The following CDH6 variants were observed in gnomAD, a reference collection of about 807,000 sequenced individuals.
CDH6 encodes the protein cadherin-6.
CDH6 carries 31 observed loss-of-function variants against 78.0 expected under a neutral mutation model. The ratio of observed to expected loss-of-function variants is 0.40; its 90% CI spans 0.30 to 0.54. The LOEUF is 0.54. Ranked by LOEUF, CDH6 falls within the 20% of genes least tolerant of loss-of-function variation. The pLI is 0.56. For synonymous variants in CDH6, 376 were observed against 368.8 expected (o/e 1.02, Z -0.23); for missense variants, 724 against 975.9 (o/e 0.74, Z 3.44).
chr5:31,259,535 C>T (rs186899960), intron 1 of CDH6, among the ~76,000 whole-genome samples: 1 of 152,246 alleles, frequency 6.6e-6, no homozygotes, highest in East Asian at 1.9e-4. Flanking sequence ...TCTTCCATGG[C>T]CATGTGTCTA....
intron 1 of CDH6, among the ~76,000 whole-genome samples, chr5:31,197,730 G>A (rs905638130): frequency 1.3e-5 from 2 of 152,016 alleles, no homozygotes; most frequent in African/African-American, 4.8e-5. Context: ...GCAGCATATG[G>A]GCTGATTTTC....
At chr5:31,283,685 T>C (rs1292038298) in intron 2 of CDH6, among the ~76,000 whole-genome samples, 1 of 150,212 alleles carries the variant, frequency 6.7e-6, no homozygotes, top group Non-Finnish European at 1.5e-5. Context: ...ATTAAATCAT[T>C]TCTACTATAT....
Position 31,283,177 on chromosome 5 carries a change from C to T in CDH6, c.229-10785C>T, listed in dbSNP as rs182427187. Reference sequence around the variant, plus strand: ...ACCTAGTAGGTAGGGACAAAGGACTCTGCTGAACATCCTATAATGTATGGG... The same window carrying T: ...ACCTAGTAGGTAGGGACAAAGGACTTTGCTGAACATCCTATAATGTATGGG... On this transcript the variant is annotated intron_variant, in intron 2 of 11. Transcript: ENST00000265071. Among the ~76,000 whole-genome samples, 529 of 152,310 alleles carry T rather than the reference C, an allele frequency of 3.5e-3. 3 individuals are homozygous for T. Among genetic ancestry groups the T allele is most frequent in the Non-Finnish European group, 4.8e-3 (325 of 68,028 alleles).
Position 31,328,375 on chromosome 5 carries a change from T to G in CDH6, c.*5067T>G, listed in dbSNP as rs1423679198. ...GGCACCTTCTCTAAGCTTTTAGTTTTCTATGATCTATTAGTTTAGTGTTTA... is the reference window on the plus strand; with the variant it reads ...GGCACCTTCTCTAAGCTTTTAGTTTGCTATGATCTATTAGTTTAGTGTTTA... On this transcript the variant is annotated 3_prime_UTR_variant, in exon 12 of 12. Coordinates refer to ENST00000265071, the MANE Select transcript of CDH6 (RefSeq NM_004932.4). 2.0e-5 allele frequency: 4 copies of G among 200,292 alleles called. No individual in the cohort carries two copies. The East Asian group carries it at 3.1e-4, about 15-fold the overall frequency. The allele number at this position is 200,292 out of a possible 1,614,324, so 12.4% of individuals were successfully genotyped here.
chr5:31,254,241 A>G (rs1246809004), intron 1 of CDH6, among the ~76,000 whole-genome samples: 3 of 152,224 alleles, frequency 2.0e-5, no homozygotes, highest in Admixed American at 6.5e-5. Flanking sequence ...TTAATGCCCT[A>G]AAGTGCAAAA....
intron 1 of CDH6, among the ~76,000 whole-genome samples, chr5:31,266,197 C>G (rs1032275958): frequency 6.6e-6 from 1 of 151,850 alleles, no homozygotes; most frequent in African/African-American, 2.4e-5. Context: ...ATTGCATAAA[C>G]TAGTAAACCA....
At chr5:31,315,466 G>A (rs1474852274) in intron 8 of CDH6, among the ~76,000 whole-genome samples, 2 of 152,234 alleles carry the variant, frequency 1.3e-5, no homozygotes, top group African/African-American at 4.8e-5. Context: ...CTAGAAATCT[G>A]TCTTCCATAC....
chr5:31,216,194 A>G (rs1740858727), intron 1 of CDH6, among the ~76,000 whole-genome samples: 1 of 151,994 alleles, frequency 6.6e-6, no homozygotes, highest in South Asian at 2.1e-4. Flanking sequence ...TTCAGAGTTT[A>G]AGAAGTTTGC....
At chr5:31,238,805 G>A (rs1741521709) in intron 1 of CDH6, among the ~76,000 whole-genome samples, 1 of 152,176 alleles carries the variant, frequency 6.6e-6, no homozygotes, top group African/African-American at 2.4e-5. Context: ...GCTCTGGAAA[G>A]TTTTGCCTCT....
At chr5:31,319,432 T>C (rs1042762449) in intron 11 of CDH6, among the ~76,000 whole-genome samples, 4 of 152,228 alleles carry the variant, frequency 2.6e-5, no homozygotes, top group Non-Finnish European at 5.9e-5. Flanking sequence ...CAAGATGCTT[T>C]ACAAAGGTTT....
intron 1 of CDH6, among the ~76,000 whole-genome samples, chr5:31,241,157 T>G (rs1009852768): frequency 3.3e-5 from 5 of 152,222 alleles, no homozygotes; most frequent in African/African-American, 1.2e-4. Context: ...CTTATCTTAC[T>G]GGTCATGGCG....
intron 7 of CDH6, among the ~76,000 whole-genome samples, chr5:31,311,545 C>T (rs1175228431): frequency 1.3e-5 from 2 of 152,220 alleles, no homozygotes; most frequent in Non-Finnish European, 2.9e-5. Context: ...CCCCCACTTT[C>T]CTGGTACCAA....
intron 1 of CDH6, among the ~76,000 whole-genome samples, chr5:31,222,246 ACAAT>A (rs1338175052): frequency 6.6e-6 from 1 of 152,206 alleles, no homozygotes; most frequent in African/African-American, 2.4e-5. Context: ...CAAAACTCTG[ACAAT>A]CAAATGAACA....
At chr5:31,229,664 AT>A (rs538357884) in intron 1 of CDH6, among the ~76,000 whole-genome samples, 2 of 152,314 alleles carry the variant, frequency 1.3e-5, no homozygotes, top group South Asian at 4.1e-4. Context: ...CCACCTAAGG[AT>A]TTTTTAGTGA....
chr5:31,297,949 A>G (rs1340142869), intron 4 of CDH6, among the ~76,000 whole-genome samples: 3 of 152,220 alleles, frequency 2.0e-5, no homozygotes, highest in African/African-American at 7.2e-5. Flanking sequence ...TCTGAGTGGT[A>G]TGGTGAACAA....
At chr5:31,272,908 A>AT (rs931527400) in intron 2 of CDH6, among the ~76,000 whole-genome samples, 6 of 152,146 alleles carry the variant, frequency 3.9e-5, no homozygotes, top group African/African-American at 1.2e-4. Context: ...GATAGGCTGT[A>AT]TTTTTTTAAA....
At chr5:31,257,944 T>C (rs1311451822) in intron 1 of CDH6, among the ~76,000 whole-genome samples, 4 of 152,198 alleles carry the variant, frequency 2.6e-5, no homozygotes, top group Admixed American at 1.3e-4. Context: ...GTTCTGCCAC[T>C]CACTAGCTAT....
chr5:31,318,805 T>A (rs980739057), intron 11 of CDH6: 2 of 225,400 alleles, frequency 8.9e-6, no homozygotes, highest in Non-Finnish European at 1.8e-5. Flanking sequence ...TACTCTTTTT[T>A]AAAAAATGAA....
chr5:31,261,596 G>A (rs984972369), intron 1 of CDH6, among the ~76,000 whole-genome samples: 1 of 152,096 alleles, frequency 6.6e-6, no homozygotes, highest in Non-Finnish European at 1.5e-5. Flanking sequence ...TATTAATAAC[G>A]TTGCTTTACT....
Sources: allele counts gnomAD v4.1 joint callset (sites outside exome capture counted in the v4.1 genomes callset), GRCh38; gene constraint gnomAD v4.1.1; transcripts MANE v1.5; gene names NCBI Gene and HGNC (gene_info 2026-07-23, HGNC 2026-07-21).